Variants in TNIK observed in about 807,000 individuals in gnomAD.
The protein encoded by TNIK is TRAF2 and NCK-interacting protein kinase.
A neutral mutation model predicts 191.3 loss-of-function variants in TNIK; 49 were observed. The observed-to-expected ratio is 0.26, with a 90% CI of 0.20 to 0.32. The LOEUF is 0.32. TNIK is among the 10% of genes least tolerant of loss of function. The probability of loss-of-function intolerance (pLI) is 1.00; values close to 1 mark genes in which losing one functional copy is unlikely to be tolerated. For synonymous variants in TNIK, 594 were observed against 600.9 expected (o/e 0.99, Z 0.17); for missense variants, 1,155 against 1,702.3 (o/e 0.68, Z 5.66).
intron 1 of TNIK, among the ~76,000 whole-genome samples, chr3:171,445,102 G>A (rs557870979): frequency 6.6e-6 from 1 of 152,142 alleles, no homozygotes; most frequent in African/African-American, 2.4e-5. Context: ...TAACGCAAAA[G>A]TTGCTGGTCC....
At chr3:171,094,633 C>G (rs2108421599) in intron 22 of TNIK, among the ~76,000 whole-genome samples, 1 of 152,280 alleles carries the variant, frequency 6.6e-6, no homozygotes, top group East Asian at 1.9e-4. Flanking sequence ...CTTTGGGCAG[C>G]AGACAACCTG....
At chr3:171,167,495 C>A (rs750710521) in intron 9 of TNIK, among the ~76,000 whole-genome samples, 4 of 152,070 alleles carry the variant, frequency 2.6e-5, no homozygotes, top group Non-Finnish European at 5.9e-5. Flanking sequence ...TAGTTATGCA[C>A]ATGAAAGCAT....
intron 15 of TNIK, among the ~76,000 whole-genome samples, chr3:171,129,657 T>C (rs1728980345): frequency 6.6e-6 from 1 of 152,220 alleles, no homozygotes; most frequent in South Asian, 2.1e-4. Context: ...GGCTGTTTCA[T>C]TTCCTTGTCA....
intron 4 of TNIK, among the ~76,000 whole-genome samples, chr3:171,209,259 C>T (rs1301348907): frequency 1.3e-5 from 2 of 151,988 alleles, no homozygotes; most frequent in Non-Finnish European, 2.9e-5. Context: ...TAAGAATAGG[C>T]TTTTAATACA....
intron 2 of TNIK, among the ~76,000 whole-genome samples, chr3:171,314,428 G>A (rs1005777825): frequency 6.6e-6 from 1 of 152,118 alleles, no homozygotes; most frequent in Non-Finnish European, 1.5e-5. Flanking sequence ...TAGAGCCTAT[G>A]GCTGATCCAG....
At chr3:171,116,433 A>C (rs188982644) in intron 18 of TNIK, among the ~76,000 whole-genome samples, 5 of 152,358 alleles carry the variant, frequency 3.3e-5, no homozygotes, top group Admixed American at 3.3e-4. Flanking sequence ...TAGGTCTATA[A>C]AACTCACAGT....
At chr3:171,259,121 CGAGA>C (rs143481504) in intron 2 of TNIK, among the ~76,000 whole-genome samples, 2 of 151,480 alleles carry the variant, frequency 1.3e-5, no homozygotes, top group Non-Finnish European at 2.9e-5. Flanking sequence ...AGCATGCACA[CGAGA>C]GAGAGAGAGT....
intron 1 of TNIK, among the ~76,000 whole-genome samples, chr3:171,454,874 G>A (rs1728611877): frequency 6.6e-6 from 1 of 152,178 alleles, no homozygotes; most frequent in African/African-American, 2.4e-5. Context: ...ATCATTTTAT[G>A]TGTCCACTCT....
intron 4 of TNIK, among the ~76,000 whole-genome samples, chr3:171,199,219 A>G (rs1018902176): frequency 8.3e-5 from 12 of 144,928 alleles, no homozygotes; most frequent in African/African-American, 2.6e-4. Context: ...AAAAAAAAAG[A>G]AAAAAAACAG....
intron 18 of TNIK, among the ~76,000 whole-genome samples, chr3:171,117,761 G>A (rs1053518197): frequency 3.3e-5 from 5 of 152,122 alleles, no homozygotes; most frequent in South Asian, 2.1e-4. Context: ...ACGAGGTCAG[G>A]AGATCGAGAT....
At chr3:171,417,380 G>A (rs1019526360) in intron 1 of TNIK, among the ~76,000 whole-genome samples, 6 of 152,120 alleles carry the variant, frequency 3.9e-5, no homozygotes, top group African/African-American at 1.2e-4. Context: ...CAAGTAACTT[G>A]GGAAGTCATC....
chr3:171,084,577 A>G (rs1156991723), intron 25 of TNIK, among the ~76,000 whole-genome samples: 4 of 152,184 alleles, frequency 2.6e-5, no homozygotes, highest in African/African-American at 9.7e-5. Flanking sequence ...GAAAGTCCCA[A>G]ATTAAATACA....
At chr3:171,267,101 C>T (rs1373047031) in intron 2 of TNIK, among the ~76,000 whole-genome samples, 2 of 152,124 alleles carry the variant, frequency 1.3e-5, no homozygotes, top group East Asian at 3.8e-4. Context: ...TTAAAGGATT[C>T]ATTTAAAAAT....
At chr3:171,271,365 C>T (rs185327239) in intron 2 of TNIK, among the ~76,000 whole-genome samples, 5 of 151,908 alleles carry the variant, frequency 3.3e-5, no homozygotes, top group East Asian at 1.9e-4. Context: ...TGCCTGGTAC[C>T]GAGACTCATT....
chr3:171,135,454 G>C (rs1453416230), intron 15 of TNIK, among the ~76,000 whole-genome samples: 1 of 152,148 alleles, frequency 6.6e-6, no homozygotes, highest in East Asian at 1.9e-4. Context: ...ATTTAGCACT[G>C]TCACTCTCCT....
At chr3:171,158,295 G>A (rs73169788) in intron 11 of TNIK, among the ~76,000 whole-genome samples, 8,799 of 152,292 alleles carry the variant, frequency 0.058, 284 homozygotes, top group South Asian at 0.14. Context: ...GCCACAGCAG[G>A]TGCAGCTAGG....
rs565292185 is a variant in TNIK, at chr3:171,251,354, T to C, written c.124-23133A>G. The stretch of plus-strand genomic sequence containing the variant: ...AAATGAGGCTGGCTACTTGTGTTGT[T>C]AGAGGCCTGAGATGATGTCTACATG... On this transcript the variant is annotated intron_variant, in intron 2 of 32. Transcript: ENST00000436636. Among the ~76,000 whole-genome samples the C allele has an allele frequency of 1.9e-3, 292 of 152,320 alleles. 1 individual carries two copies. The highest frequency in any genetic ancestry group is 3.9e-3 in the South Asian group (19 of 4,832).
chr3:171,177,325 CG>C lies in TNIK; in HGVS notation c.694del (p.Pro232LeufsTer8). The stretch of plus-strand genomic sequence containing the variant: ...ATTTCACCCCAGAGGAGGGTACTTA[CG>C]GGGAGCACCTTCTGCCATTTCAATG... ...TAIEMAEGAP[P>X]LCDMHPMRAL... On this transcript the variant is annotated frameshift_variant and splice_region_variant, in exon 8 of 33. Transcript: ENST00000436636. LOFTEE classifies it high-confidence loss of function. 2 of 1,606,498 alleles carry C rather than the reference CG, an allele frequency of 1.2e-6. No individual in the cohort carries two copies. The highest frequency in any genetic ancestry group is 1.7e-6 in the Non-Finnish European group (2 of 1,176,524).
chr3:171,154,098 T>A (rs1732836055), intron 12 of TNIK, among the ~76,000 whole-genome samples: 1 of 152,046 alleles, frequency 6.6e-6, no homozygotes, highest in South Asian at 2.1e-4. Context: ...ACCTCATGCT[T>A]AAAAACAACA....
Sources: allele counts gnomAD v4.1 joint callset (sites outside exome capture counted in the v4.1 genomes callset), GRCh38; gene constraint gnomAD v4.1.1; transcripts MANE v1.5; gene names NCBI Gene and HGNC (gene_info 2026-07-23, HGNC 2026-07-21).